FANCC: variants seen among roughly 807,000 people sequenced by gnomAD.
FANCC encodes Fanconi anemia group C protein.
Under a neutral mutation model 71.3 loss-of-function variants are expected in FANCC, and 55 were observed. That is an observed-to-expected ratio of 0.77 (90% CI 0.62 to 0.97). FANCC has a LOEUF of 0.97. Ranked by LOEUF, FANCC falls within the 50% of genes least tolerant of loss-of-function variation. The pLI, the probability that FANCC is intolerant of heterozygous loss-of-function variation, is 0.00. For missense variants in FANCC, 678 were observed against 670.9 expected (o/e 1.01, Z -0.12); for synonymous variants, 275 against 244.9 (o/e 1.12, Z -1.15).
intron 14 of FANCC, among the ~76,000 whole-genome samples, chr9:95,103,922 G>T (rs1286424922): frequency 2.0e-5 from 3 of 152,210 alleles, no homozygotes; most frequent in African/African-American, 7.2e-5. Context: ...CCTTTGCCTT[G>T]AGCTGGCACT....
At chr9:95,113,104 G>A (rs2072088826) in intron 12 of FANCC, among the ~76,000 whole-genome samples, 1 of 152,326 alleles carries the variant, frequency 6.6e-6, no homozygotes, top group Admixed American at 6.5e-5. Flanking sequence ...ACCAGGGAGG[G>A]TGTGTGGGGG....
chr9:95,198,776 G>C (rs1056591483), intron 4 of FANCC, among the ~76,000 whole-genome samples: 8 of 152,094 alleles, frequency 5.3e-5, no homozygotes, highest in African/African-American at 1.9e-4. Context: ...ACTAGAAACA[G>C]GTCCAGACTG....
In FANCC at chr9:95,271,895, T is replaced by TTCC. The variant is rs969194839; in HGVS notation, c.-78-22529_-78-22527dup. ...CAACCACCTTCCAAAGTATGGCTCCTTCCCTCTTCCATCAATCCCATCAAG... is the reference window on the plus strand; with the variant it reads ...CAACCACCTTCCAAAGTATGGCTCCTTCCTCCCTCTTCCATCAATCCCATCAAG... On this transcript the variant is annotated intron_variant, in intron 1 of 14. Coordinates refer to ENST00000289081, the MANE Select transcript of FANCC (RefSeq NM_000136.3). 1.7e-4 allele frequency among the ~76,000 whole-genome samples: 25 copies of TTCC among 145,188 alleles called. 1 individual carries two copies. Among genetic ancestry groups the TTCC allele is most frequent in the Admixed American group, 1.4e-4 (2 of 14,290 alleles).
chr9:95,124,174 G>C (rs4647519), intron 10 of FANCC, among the ~76,000 whole-genome samples: 2 of 151,424 alleles, frequency 1.3e-5, no homozygotes, highest in Non-Finnish European at 2.9e-5. Context: ...TGACGTTGGC[G>C]GGGGGTGTGA....
chr9:95,223,201 A>G (rs533160567), intron 4 of FANCC, among the ~76,000 whole-genome samples: 11 of 152,360 alleles, frequency 7.2e-5, no homozygotes, highest in South Asian at 6.2e-4. Flanking sequence ...CTTAAACCAC[A>G]GAAATTTGTC....
intron 11 of FANCC, among the ~76,000 whole-genome samples, chr9:95,116,579 C>T: frequency 6.6e-6 from 1 of 152,234 alleles, no homozygotes; most frequent in Non-Finnish European, 1.5e-5. Flanking sequence ...TCCTCCCATG[C>T]TCCAATAAGG....
chr9:95,157,384 A>C (rs995018156), intron 6 of FANCC, among the ~76,000 whole-genome samples: 2 of 152,258 alleles, frequency 1.3e-5, no homozygotes, highest in Non-Finnish European at 2.9e-5. Context: ...GCCACCAAGT[A>C]AAGTCAACAA....
At chr9:95,166,444 C>T (rs1039756441) in intron 6 of FANCC, among the ~76,000 whole-genome samples, 7 of 152,042 alleles carry the variant, frequency 4.6e-5, no homozygotes, top group Admixed American at 4.6e-4. Flanking sequence ...GTTATAACAA[C>T]CTAACGAGAT....
In FANCC at chr9:95,240,633, A is replaced by G; in HGVS notation, c.345+16T>C. 1 of 1,578,228 alleles carries G rather than the reference A, an allele frequency of 6.3e-7. No homozygotes were observed. The highest frequency in any genetic ancestry group is 8.7e-7 in the Non-Finnish European group (1 of 1,147,722). On this transcript the variant is annotated intron_variant, in intron 4 of 14. Coordinates refer to ENST00000289081, the MANE Select transcript of FANCC (RefSeq NM_000136.3). ...ATTTAATTCAAAGAAGTGCAGAGCA[A>G]GATTTACTCTCTTACCTGTATCCAG... is the stretch of plus-strand genomic sequence containing the variant.
intron 4 of FANCC, among the ~76,000 whole-genome samples, chr9:95,198,695 T>G (rs1684755931): frequency 6.6e-6 from 1 of 152,164 alleles, no homozygotes; most frequent in Non-Finnish European, 1.5e-5. Flanking sequence ...GACCCAAGTA[T>G]TTACACTGGA....
At chr9:95,291,391 C>T (rs1451653263) in intron 1 of FANCC, among the ~76,000 whole-genome samples, 2 of 151,766 alleles carry the variant, frequency 1.3e-5, no homozygotes, top group Non-Finnish European at 2.9e-5. Flanking sequence ...GATATAAAAT[C>T]AACAAACAAA....
At chr9:95,168,699 T>C (rs1382776337) in intron 6 of FANCC, among the ~76,000 whole-genome samples, 2 of 152,288 alleles carry the variant, frequency 1.3e-5, no homozygotes, top group South Asian at 2.1e-4. Context: ...CCCAGCTAAT[T>C]TGTACTTTTA....
chr9:95,120,536 C>A (rs150113794), intron 10 of FANCC, among the ~76,000 whole-genome samples: 36 of 152,110 alleles, frequency 2.4e-4, no homozygotes, highest in Middle Eastern at 3.4e-3. Context: ...CACTTCACCC[C>A]CCGAGTAGCC....
chr9:95,116,554 C>T (rs1044263713), intron 11 of FANCC, among the ~76,000 whole-genome samples: 7 of 152,230 alleles, frequency 4.6e-5, no homozygotes, highest in African/African-American at 1.7e-4. Context: ...CTGGCTCGTT[C>T]CCTTCTGTCT....
chr9:95,145,461 G>A (rs1369067227), intron 7 of FANCC: 3 of 152,140 alleles, frequency 2.0e-5, no homozygotes, highest in East Asian at 1.9e-4. Flanking sequence ...CAGCTCTCTC[G>A]ATAATCTATA....
At chr9:95,107,650 C>G in intron 13 of FANCC, 1 of 386,876 alleles carries the variant, frequency 2.6e-6, no homozygotes, top group South Asian at 2.5e-5. Context: ...CCCACGCAGT[C>G]AGACCTCCGC....
chr9:95,243,512 T>C (rs1049001262), intron 3 of FANCC, among the ~76,000 whole-genome samples: 14 of 151,920 alleles, frequency 9.2e-5, no homozygotes, highest in African/African-American at 3.4e-4. Flanking sequence ...GGGCCAGGCG[T>C]GGTGGTTCAC....
At chr9:95,255,310 C>T (rs1255247974) in intron 1 of FANCC, among the ~76,000 whole-genome samples, 6 of 152,018 alleles carry the variant, frequency 3.9e-5, no homozygotes, top group Middle Eastern at 3.2e-3. Context: ...AGGAGAGCTC[C>T]GGCTGGCAAC....
At chr9:95,111,011 A>C (rs1163761731) in intron 13 of FANCC, 2 of 1,436,140 alleles carry the variant, frequency 1.4e-6, no homozygotes, top group East Asian at 5.0e-5. Flanking sequence ...GGATCTGTTG[A>C]CTGATCCAAG....
Sources: gnomAD v4.1 joint callset for allele counts (sites outside exome capture counted in the v4.1 genomes callset) on GRCh38, gnomAD v4.1.1 for gene constraint, MANE v1.5 for transcripts, NCBI Gene and HGNC (gene_info 2026-07-23, HGNC 2026-07-21) for gene names.